Variants in OSBPL8 observed in about 807,000 individuals in gnomAD.
OSBPL8 encodes oxysterol binding protein like 8, also known as oxysterol-binding protein-related protein 8.
A neutral mutation model predicts 125.5 loss-of-function variants in OSBPL8; 59 were observed. That is an observed-to-expected ratio of 0.47 (90% confidence interval 0.38 to 0.58). The LOEUF (loss-of-function observed/expected upper bound fraction) is 0.58. OSBPL8 is among the 20% of genes least tolerant of loss of function. The pLI is 0.00. For synonymous variants in OSBPL8, 330 were observed against 338.9 expected (o/e 0.97, Z 0.29); for missense variants, 758 against 1,047.8 (o/e 0.72, Z 3.82).
chr12:76,487,760 G>A (rs1297514222), intron 1 of OSBPL8, 142 bp from the exon 2 acceptor site: 3 of 404,720 alleles, frequency 7.4e-6, no homozygotes, highest in African/African-American at 6.2e-5. Context: ...AATTGACATG[G>A]GCTTGAAGAA....
chr12:76,435,156 G>A (rs1226471738), intron 4 of OSBPL8, among the ~76,000 whole-genome samples: 3 of 30,286 alleles, frequency 9.9e-5, no homozygotes, highest in Admixed American at 5.9e-4. Flanking sequence ...ATATATCTAC[G>A]TGTGTGTGTG....
At chr12:76,447,360 G>A (rs1010897723) in intron 4 of OSBPL8, among the ~76,000 whole-genome samples, 2 of 152,134 alleles carry the variant, frequency 1.3e-5, no homozygotes, top group Non-Finnish European at 2.9e-5. Flanking sequence ...GCAGCATGAA[G>A]TACTACACAC....
At chr12:76,508,535 C>G (rs2137165873) in intron 1 of OSBPL8, among the ~76,000 whole-genome samples, 1 of 152,252 alleles carries the variant, frequency 6.6e-6, no homozygotes, top group South Asian at 2.1e-4. Flanking sequence ...GCTGCATTCC[C>G]AGGAGGTGAG....
At chr12:76,465,452 C>T (rs1875296118) in intron 2 of OSBPL8, among the ~76,000 whole-genome samples, 1 of 151,944 alleles carries the variant, frequency 6.6e-6, no homozygotes, top group Non-Finnish European at 1.5e-5. Context: ...CCTAGCTACT[C>T]AGGAGGCTTA....
chr12:76,357,628 C>T (rs1219697410), intron 22 of OSBPL8, among the ~76,000 whole-genome samples: 2 of 152,126 alleles, frequency 1.3e-5, no homozygotes, highest in African/African-American at 4.8e-5. Flanking sequence ...TTACCCCTAC[C>T]CCACTCTCCA....
chr12:76,540,775 C>T (rs78543797), intron 1 of OSBPL8, among the ~76,000 whole-genome samples: 12,396 of 151,726 alleles, frequency 0.082, 650 homozygotes, highest in Admixed American at 0.12. Context: ...CATACACATG[C>T]ACACAACTCC....
chr12:76,526,216 G>A (rs1352437503), intron 1 of OSBPL8, among the ~76,000 whole-genome samples: 1 of 152,088 alleles, frequency 6.6e-6, no homozygotes, highest in African/African-American at 2.4e-5. Flanking sequence ...AACAATCCAG[G>A]AGGAGAAAAC....
chr12:76,447,604 C>A (rs148267868), intron 4 of OSBPL8, among the ~76,000 whole-genome samples: 1 of 151,924 alleles, frequency 6.6e-6, no homozygotes, highest in Non-Finnish European at 1.5e-5. Context: ...AGTGCAATGG[C>A]GCGATCTCGG....
At chr12:76,549,296 A>C (rs1366760342) in intron 1 of OSBPL8, among the ~76,000 whole-genome samples, 1 of 152,250 alleles carries the variant, frequency 6.6e-6, no homozygotes, top group Non-Finnish European at 1.5e-5. Flanking sequence ...AAACAAAACA[A>C]AAATGACCTA....
intron 9 of OSBPL8, among the ~76,000 whole-genome samples, chr12:76,393,278 A>G (rs1953641311): frequency 6.6e-6 from 1 of 152,226 alleles, no homozygotes; most frequent in Admixed American, 6.5e-5. Context: ...GTAAAAATTT[A>G]AAAGTGAATT....
At chr12:76,458,009 G>A (rs116145071) in intron 3 of OSBPL8, among the ~76,000 whole-genome samples, 1,709 of 152,276 alleles carry the variant, frequency 0.011, 33 homozygotes, top group African/African-American at 0.039. Context: ...GCTCACACCT[G>A]CAATGTCAGC....
At chr12:76,487,115 C>A (rs918018070) in intron 2 of OSBPL8, among the ~76,000 whole-genome samples, 1 of 150,650 alleles carries the variant, frequency 6.6e-6, no homozygotes, top group Admixed American at 6.6e-5. Flanking sequence ...CTGCAACCTC[C>A]ACCTCCCAAG....
At position 76,410,748 on chromosome 12, in the gene OSBPL8, A is replaced by T. The variant is rs1262728882; in HGVS notation, c.218-114T>A. 51 of 659,462 alleles carry T rather than the reference A, an allele frequency of 7.7e-5. No individual in the cohort carries two copies. The East Asian group carries it at 1.3e-3, about 16-fold the overall frequency. 40.9% of individuals were successfully genotyped at this position (659,462 alleles called of 1,614,324 possible). A position where few individuals can be genotyped will look rare whatever the true frequency, so the allele number is the denominator to read the frequency against. ...AAATCAGTGCAGGAAGCCTGTACAC[A>T]CAGCTTTAAACTATTAAAGATCTCT... is the stretch of plus-strand genomic sequence containing the variant. On this transcript the variant is annotated intron_variant, in intron 4 of 23. Transcript: ENST00000261183.
At chr12:76,449,007 G>A (rs1873060665) in intron 4 of OSBPL8, among the ~76,000 whole-genome samples, 1 of 151,974 alleles carries the variant, frequency 6.6e-6, no homozygotes. Flanking sequence ...GCAAGACTCT[G>A]TCTCAAAAAA....
chr12:76,544,534 A>T (rs1243090388), intron 1 of OSBPL8, among the ~76,000 whole-genome samples: 1 of 152,226 alleles, frequency 6.6e-6, no homozygotes, highest in Non-Finnish European at 1.5e-5. Context: ...TTCTAGAATA[A>T]TAATTTTAAA....
rs189871120 is a variant in OSBPL8 at position 76,510,348 on chromosome 12, A to G, written c.-67-22730T>C. ...TTTTATAAATACCTACTACTTATGT[A>G]GAGTCCAGGCAAAACTATATCATCA... is the stretch of plus-strand genomic sequence containing the variant. On this transcript the variant is annotated intron_variant, in intron 1 of 23. Transcript: ENST00000261183. Among the ~76,000 whole-genome samples the G allele has an allele frequency of 2.7e-3, 409 of 152,340 alleles. 7 individuals carry two copies. The highest frequency in any genetic ancestry group is 0.011 in the South Asian group (52 of 4,828).
At position 76,369,299 on chromosome 12, in the gene OSBPL8, G is replaced by A; in HGVS notation, c.2243C>T (p.Thr748Ile). 6.4e-7 allele frequency: 1 copy of A among 1,574,506 alleles called. No homozygotes were observed. The change falls in exon 21 of 24, where the codon ACC becomes ATC. Residue 748 changes from threonine to isoleucine, a missense_variant and splice_region_variant. Thr to Ile is a moderately conservative substitution (Grantham distance 89). Transcript: ENST00000261183. ...TGEWHYKFADTRPWDPLNDMI... is the reference protein window; with the variant it reads ...TGEWHYKFADIRPWDPLNDMI... ...ATCATTAAGTGGGTCCCATGGTCGG[G>A]TACTACATAAATGAAAAAAAAAAAA...
chr12:76,479,223 A>G (rs1194222287), intron 2 of OSBPL8, among the ~76,000 whole-genome samples: 1 of 152,220 alleles, frequency 6.6e-6, no homozygotes, highest in Non-Finnish European at 1.5e-5. Context: ...ATTGGATTGT[A>G]ACACAAAGGA....
intron 5 of OSBPL8, among the ~76,000 whole-genome samples, chr12:76,408,277 C>G (rs7138852): frequency 0.012 from 1,768 of 150,900 alleles, 43 homozygotes; most frequent in African/African-American, 0.041. Context: ...CTGGCTAACA[C>G]GGTGAAACCC....
Sources: gnomAD v4.1 joint callset for allele counts (sites outside exome capture counted in the v4.1 genomes callset) on GRCh38, gnomAD v4.1.1 for gene constraint, MANE v1.5 for transcripts, NCBI Gene and HGNC (gene_info 2026-07-23, HGNC 2026-07-21) for gene names.